The following CACNB3 variants were observed in gnomAD, a reference collection of about 807,000 sequenced individuals.
The protein encoded by CACNB3 is calcium voltage-gated channel auxiliary subunit beta 3.
Under a neutral mutation model 63.7 loss-of-function variants are expected in CACNB3, and 36 were observed. The observed-to-expected ratio is 0.57, with a 90% confidence interval of 0.43 to 0.75. The LOEUF is 0.75. Among genes scored for constraint, CACNB3 ranks in the 30% least tolerant of loss-of-function variants. The probability of loss-of-function intolerance (pLI) is 0.00; values close to 1 mark genes in which losing one functional copy is unlikely to be tolerated. For missense variants in CACNB3, 493 were observed against 648.6 expected (o/e 0.76, Z 2.61); for synonymous variants, 241 against 250.6 (o/e 0.96, Z 0.36).
chr12:48,819,292 G>A (rs1299715422), intron 1 of CACNB3, among the ~76,000 whole-genome samples: 1 of 152,118 alleles, frequency 6.6e-6, no homozygotes, highest in African/African-American at 2.4e-5. Flanking sequence ...CTCTGGAGAG[G>A]GAACACGCCA....
At position 48,826,673 on chromosome 12, in the gene CACNB3, G is replaced by A; in HGVS notation, c.895-86G>A. On this transcript the variant is annotated intron_variant, in intron 10 of 12. Coordinates refer to ENST00000301050, the MANE Select transcript of CACNB3 (RefSeq NM_000725.4). The surrounding 1 kb of genome is among the most constrained non-coding windows in gnomAD (Gnocchi z 4.8). Reference sequence around the variant, plus strand: ...TCCTCACCTGCTACTGATGCCACAAGTGGAAGAAATGCCTAGCTCTGCCCG... The same window carrying A: ...TCCTCACCTGCTACTGATGCCACAAATGGAAGAAATGCCTAGCTCTGCCCG... The A allele has an allele frequency of 2.1e-6, 3 of 1,433,060 alleles. No homozygotes were observed. Among genetic ancestry groups the A allele is most frequent in the East Asian group, 2.3e-5 (1 of 43,966 alleles). 88.8% of individuals were successfully genotyped at this position (1,433,060 alleles called of 1,614,324 possible).
chr12:48,818,001 C>G (rs1418622030), upstream of CACNB3: 1 of 152,344 alleles, frequency 6.6e-6, no homozygotes, highest in Non-Finnish European at 1.5e-5. The surrounding 1 kb of genome is among the most constrained non-coding windows in gnomAD (Gnocchi z 4.3). Flanking sequence ...AAAGTTCCCC[C>G]CTTCTCAAGG....
rs781312430 is a variant in CACNB3, at chr12:48,827,607, G to A, written c.1163G>A (p.Arg388His). ...CAGAACCAGCAGCTGCTGGGGGAGC[G>A]TGGCGAGGAGCACTCCCCCCTTGAG... is the stretch of plus-strand genomic sequence containing the variant. ...GLQNQQLLGE[R>H]GEEHSPLERD... The change falls in exon 13 of 13, where the codon CGT becomes CAT. Residue 388 changes from arginine (R) to histidine (H), a missense_variant. By Grantham distance (29) the Arg-to-His change is conservative. Coordinates refer to ENST00000301050, the MANE Select transcript of CACNB3 (RefSeq NM_000725.4). 13 of 1,612,778 alleles carry A rather than the reference G, an allele frequency of 8.1e-6. No individual in the cohort carries two copies. Among genetic ancestry groups the A allele is most frequent in the African/African-American group, 1.3e-5 (1 of 74,896 alleles).
rs1448943025 is a variant in CACNB3, at chr12:48,818,600, CCGCCGCCCCCT to C, written c.-319_-309del. 24 of 1,092,114 alleles carry C rather than the reference CCGCCGCCCCCT, an allele frequency of 2.2e-5. No homozygotes were observed. The highest frequency in any genetic ancestry group is 4.0e-4 in the Middle Eastern group (1 of 2,522). The allele number at this position is 1,092,114 out of a possible 1,614,324, so 67.7% of individuals were successfully genotyped here. A position where few individuals can be genotyped will look rare whatever the true frequency, so the allele number is the denominator to read the frequency against. On this transcript the variant is annotated 5_prime_UTR_variant, in exon 1 of 13. Coordinates refer to ENST00000301050, the MANE Select transcript of CACNB3 (RefSeq NM_000725.4). This position sits in a 1 kb window ranked among gnomAD's most constrained non-coding sequence, Gnocchi z 4.3. ...CGGCCTGGCCCGGGCTCCCCGGTGG[CCGCCGCCCCCT>C]CGCCGCCCCCGCCTTCTCCCGGGGA... is the stretch of plus-strand genomic sequence containing the variant.
At chr12:48,824,850 G>T in intron 5 of CACNB3, 99 bp from the exon 6 acceptor site, 2 of 1,530,122 alleles carry the variant, frequency 1.3e-6, no homozygotes, top group South Asian at 2.2e-5. Flanking sequence ...TGGAAGGGGT[G>T]GGGAGAAGCC....
Position 48,825,426 on chromosome 12 carries a change from TC to T in CACNB3, c.574-3del, listed in dbSNP as rs768459871. 6.2e-7 allele frequency: 1 copy of T among 1,614,074 alleles called. No individual in the cohort carries two copies. Among genetic ancestry groups the T allele is most frequent in the Admixed American group, 1.7e-5 (1 of 60,016 alleles). On this transcript the variant is annotated splice_polypyrimidine_tract_variant and splice_region_variant and intron_variant, in intron 7 of 12. Coordinates refer to ENST00000301050, the MANE Select transcript of CACNB3 (RefSeq NM_000725.4). The surrounding 1 kb of genome is among the most constrained non-coding windows in gnomAD (Gnocchi z 4.5). ...GGGGCCCTTCATCAGTGCCATGCCT[TC>T]CCCCAGGTCACAGACATGATGCAGA...
At chr12:48,824,195 G>C in intron 3 of CACNB3, 63 bp from the exon 4 acceptor site, 1 of 1,350,438 alleles carries the variant, frequency 7.4e-7, no homozygotes, top group Non-Finnish European at 1.0e-6. Flanking sequence ...CCTTCACATT[G>C]AAGAGCCAGG....
chr12:48,815,817 C>T (rs756261962), upstream of CACNB3: 10 of 876,266 alleles, frequency 1.1e-5, no homozygotes, highest in African/African-American at 5.0e-5. Context: ...AGGGGGCACG[C>T]GTTTGGGGGA....
At position 48,828,703 on chromosome 12, in the gene CACNB3, G is replaced by A; in HGVS notation, c.*804G>A. 2.2e-6 allele frequency: 1 copy of A among 456,526 alleles called. No individual in the cohort carries two copies. Among genetic ancestry groups the A allele is most frequent in the Non-Finnish European group, 4.4e-6 (1 of 226,794 alleles). 28.3% of individuals were successfully genotyped at this position (456,526 alleles called of 1,614,324 possible). A position where few individuals can be genotyped will look rare whatever the true frequency, so the allele number is the denominator to read the frequency against. On this transcript the variant is annotated 3_prime_UTR_variant, in exon 13 of 13. Coordinates refer to ENST00000301050, the MANE Select transcript of CACNB3 (RefSeq NM_000725.4). The stretch of plus-strand genomic sequence containing the variant: ...CTTGCCTTTCTCATTCTTTTGCCCT[G>A]CATCCTGTCATTTCTGTTCTTGTCC...
At chr12:48,821,815 A>T (rs1301612623) in intron 1 of CACNB3, among the ~76,000 whole-genome samples, 1 of 152,170 alleles carries the variant, frequency 6.6e-6, no homozygotes, top group Non-Finnish European at 1.5e-5. Context: ...CTCAGGAGAG[A>T]TGAGGAACAG....
chr12:48,824,995 G>GGGGGATCATGGCTTAT, intron 6 of CACNB3, 27 bp downstream of exon 6: 5 of 1,605,324 alleles, frequency 3.1e-6, no homozygotes, highest in Non-Finnish European at 4.2e-6. Context: ...ACCTGGGCTG[G>GGGGGATCATGGCTTAT]GGGGATCATG....
intron 1 of CACNB3, chr12:48,820,121 G>A (rs963129878): frequency 9.6e-5 from 15 of 156,952 alleles, no homozygotes; most frequent in East Asian, 9.3e-4. Flanking sequence ...TTCTGGGACT[G>A]GTCTCCTTCT....
intron 1 of CACNB3, chr12:48,819,666 A>G: frequency 2.2e-6 from 1 of 455,856 alleles, no homozygotes; most frequent in Non-Finnish European, 4.4e-6. Context: ...TGCAGCGGGC[A>G]TCCTGAGCTC....
chr12:48,827,161 C>A, intron 12 of CACNB3, 38 bp downstream of exon 12: 1 of 1,605,920 alleles, frequency 6.2e-7, no homozygotes, highest in South Asian at 1.1e-5. Context: ...TCAAGCTAAG[C>A]CAGCCAAGGC....
chr12:48,819,002 G>A (rs1449795735), intron 1 of CACNB3, 28 bp downstream of exon 1: 19 of 1,595,256 alleles, frequency 1.2e-5, no homozygotes, highest in Non-Finnish European at 1.6e-5. Flanking sequence ...GGGTGGGGGC[G>A]GGGAAGTTGG....
chr12:48,815,222 G>C (rs1942256455), upstream of CACNB3: 1 of 185,612 alleles, frequency 5.4e-6, no homozygotes, highest in Non-Finnish European at 1.1e-5. Flanking sequence ...AAGAGCTCAG[G>C]AGCTGGGGCA....
rs1437782095 is a variant in CACNB3 at position 48,818,784 on chromosome 12, C to G, written c.-146C>G. ...GCAGCTGGTCTTCGCGGCTCGCTCCCTCCTTCGCGCTCTCTCGCTCCCTGC... is the reference window on the plus strand; with the variant it reads ...GCAGCTGGTCTTCGCGGCTCGCTCCGTCCTTCGCGCTCTCTCGCTCCCTGC... On this transcript the variant is annotated 5_prime_UTR_variant, in exon 1 of 13. Transcript: ENST00000301050. This position sits in a 1 kb window ranked among gnomAD's most constrained non-coding sequence, Gnocchi z 4.3. 1 of 1,353,572 alleles carries G rather than the reference C, an allele frequency of 7.4e-7. No homozygotes were observed. Among genetic ancestry groups the G allele is most frequent in the Non-Finnish European group, 9.5e-7 (1 of 1,053,340 alleles). The allele number at this position is 1,353,572 out of a possible 1,614,324, so 83.8% of individuals were successfully genotyped here.
At chr12:48,819,575 C>A (rs1234961140) in intron 1 of CACNB3, 1 of 398,602 alleles carries the variant, frequency 2.5e-6, no homozygotes, top group Non-Finnish European at 5.0e-6. Flanking sequence ...CTCTCCCAGG[C>A]TGAAACCTGG....
In CACNB3 at chr12:48,828,846, C is replaced by A; in HGVS notation, c.*947C>A. 1 of 445,554 alleles carries A rather than the reference C, an allele frequency of 2.2e-6. No individual in the cohort carries two copies. 27.6% of individuals were successfully genotyped at this position (445,554 alleles called of 1,614,324 possible). A position where few individuals can be genotyped will look rare whatever the true frequency, so the allele number is the denominator to read the frequency against. On this transcript the variant is annotated 3_prime_UTR_variant, in exon 13 of 13. Transcript: ENST00000301050. The stretch of plus-strand genomic sequence containing the variant: ...CACAGAGGACCTGTCTCCCCGGCTA[C>A]TCTTGCCTTATGGCTCTAGTGTGTG...
Sources: gnomAD v4.1 joint callset for allele counts (sites outside exome capture counted in the v4.1 genomes callset) on GRCh38, gnomAD v4.1.1 for gene constraint, Gnocchi (gnomAD v3.1) non-coding constraint, MANE v1.5 for transcripts, NCBI Gene and HGNC (gene_info 2026-07-23, HGNC 2026-07-21) for gene names.